Variants in LEKR1 observed in about 807,000 individuals in gnomAD.
The protein encoded by LEKR1 is protein LEKR1.
LEKR1 carries 59 observed loss-of-function variants against 72.4 expected under a neutral mutation model. That is an observed-to-expected ratio of 0.82 (90% CI 0.66 to 1.01). The LOEUF is 1.01. Among genes scored for constraint, LEKR1 ranks in the 50% least tolerant of loss-of-function variants. The probability of loss-of-function intolerance (pLI) is 0.00; values close to 1 mark genes in which losing one functional copy is unlikely to be tolerated. For missense variants in LEKR1, 728 were observed against 759.2 expected (o/e 0.96, Z 0.48); for synonymous variants, 257 against 263.2 (o/e 0.98, Z 0.23).
At chr3:156,878,110 T>G (rs892242909) in intron 3 of LEKR1, among the ~76,000 whole-genome samples, 36 of 152,160 alleles carry the variant, frequency 2.4e-4, no homozygotes, top group African/African-American at 7.2e-4. Flanking sequence ...CTTTTTTTTT[T>G]GTTTAAATTT....
chr3:157,019,924 AG>A (rs748497419), intron 10 of LEKR1, among the ~76,000 whole-genome samples: 1 of 152,310 alleles, frequency 6.6e-6, no homozygotes, highest in East Asian at 1.9e-4. Flanking sequence ...ATCCCACTGC[AG>A]CTTTCCTAAG....
intron 3 of LEKR1, among the ~76,000 whole-genome samples, chr3:156,868,295 A>G (rs554635124): frequency 6.3e-4 from 96 of 152,234 alleles, no homozygotes; most frequent in African/African-American, 2.3e-3. Context: ...AATTTAAAAT[A>G]TGAATCATAA....
intron 3 of LEKR1, among the ~76,000 whole-genome samples, chr3:156,914,272 T>C (rs1723386941): frequency 6.6e-6 from 1 of 151,746 alleles, no homozygotes; most frequent in Non-Finnish European, 1.5e-5. Flanking sequence ...CATCAACCCA[T>C]TATCTACGTT....
chr3:156,901,748 G>A (rs979968226), intron 3 of LEKR1, among the ~76,000 whole-genome samples: 2 of 152,130 alleles, frequency 1.3e-5, no homozygotes, highest in Non-Finnish European at 1.5e-5. Context: ...GTGCAGTGAC[G>A]TGGTCTCAGC....
intron 2 of LEKR1, among the ~76,000 whole-genome samples, chr3:156,849,488 C>T (rs997894777): frequency 1.3e-5 from 2 of 151,692 alleles, no homozygotes; most frequent in African/African-American, 4.9e-5. Context: ...GGAGGCATCA[C>T]GCTACCTGAC....
intron 6 of LEKR1, among the ~76,000 whole-genome samples, chr3:156,971,089 A>G (rs575682581): frequency 2.6e-5 from 4 of 152,300 alleles, no homozygotes; most frequent in African/African-American, 9.6e-5. Context: ...ACTTCAAACT[A>G]TACTACAAGG....
intron 3 of LEKR1, among the ~76,000 whole-genome samples, chr3:156,863,596 T>C (rs1716999612): frequency 6.6e-6 from 1 of 152,100 alleles, no homozygotes; most frequent in Admixed American, 6.6e-5. Flanking sequence ...AGCTTTCAAA[T>C]TGGAGAAAAA....
At chr3:156,869,456 A>G (rs940105292) in intron 3 of LEKR1, among the ~76,000 whole-genome samples, 1 of 152,044 alleles carries the variant, frequency 6.6e-6, no homozygotes, top group African/African-American at 2.4e-5. Flanking sequence ...ATTAGTAGTG[A>G]TGAACATTTT....
chr3:156,871,289 T>C (rs918368594), intron 3 of LEKR1, among the ~76,000 whole-genome samples: 1 of 152,164 alleles, frequency 6.6e-6, no homozygotes, highest in Non-Finnish European at 1.5e-5. Flanking sequence ...CATGAACTCA[T>C]CATTTTTTAT....
intron 2 of LEKR1, among the ~76,000 whole-genome samples, chr3:156,838,871 C>T (rs13093166): frequency 2.6e-5 from 4 of 152,136 alleles, no homozygotes; most frequent in Non-Finnish European, 5.9e-5. Flanking sequence ...CTTCCTCCCA[C>T]ACAGATGAAA....
chr3:157,006,994 G>GAT (rs1269391032), intron 9 of LEKR1, among the ~76,000 whole-genome samples: 2 of 151,970 alleles, frequency 1.3e-5, no homozygotes, highest in African/African-American at 4.8e-5. Context: ...AAGGTCAGGA[G>GAT]CGAGACCATC....
intron 2 of LEKR1, among the ~76,000 whole-genome samples, chr3:156,829,757 T>C (rs1048757540): frequency 6.6e-6 from 1 of 152,180 alleles, no homozygotes; most frequent in Non-Finnish European, 1.5e-5. Context: ...TTAAGCCCCT[T>C]TTATGCAGAT....
chr3:157,024,109 C>T (rs938907264), intron 10 of LEKR1, among the ~76,000 whole-genome samples: 16 of 152,110 alleles, frequency 1.1e-4, no homozygotes, highest in Admixed American at 2.0e-4. Context: ...TTCATATCAA[C>T]GGCCCAGGAA....
At chr3:156,984,813 A>C (rs1576948272) in intron 7 of LEKR1, among the ~76,000 whole-genome samples, 1 of 152,196 alleles carries the variant, frequency 6.6e-6, no homozygotes, top group Non-Finnish European at 1.5e-5. Context: ...CTGCTCATTT[A>C]ACTGATAATT....
intron 3 of LEKR1, among the ~76,000 whole-genome samples, chr3:156,900,463 C>T (rs997753714): frequency 6.6e-6 from 1 of 152,102 alleles, no homozygotes; most frequent in African/African-American, 2.4e-5. Context: ...TGCTCTTAGC[C>T]AGTCTTATAA....
chr3:156,952,590 C>T (rs1727262942), intron 6 of LEKR1, among the ~76,000 whole-genome samples: 1 of 151,368 alleles, frequency 6.6e-6, no homozygotes, highest in African/African-American at 2.4e-5. Context: ...GTTGGTGAGG[C>T]ACTCTAATAC....
chr3:157,016,537 GA>G (rs1038552592), intron 10 of LEKR1, among the ~76,000 whole-genome samples: 8 of 151,900 alleles, frequency 5.3e-5, no homozygotes, highest in Admixed American at 3.3e-4. Context: ...AGAAAGCACT[GA>G]AAAAATGTAT....
At chr3:156,955,014 T>C (rs948073379) in intron 6 of LEKR1, among the ~76,000 whole-genome samples, 7 of 152,080 alleles carry the variant, frequency 4.6e-5, no homozygotes, top group African/African-American at 1.7e-4. Context: ...CATTTGTTTG[T>C]GTCCTCTCTG....
At position 156,855,358 on chromosome 3, in the gene LEKR1, G is replaced by C. The variant is rs550955347; in HGVS notation, c.263+2376G>C. Among the ~76,000 whole-genome samples, 47 of 152,072 alleles carry C rather than the reference G, an allele frequency of 3.1e-4. 1 individual carries two copies. Among genetic ancestry groups the C allele is most frequent in the Middle Eastern group, 3.4e-3 (1 of 294 alleles). On this transcript the variant is annotated intron_variant, in intron 3 of 12. Transcript: ENST00000356539. ...TCTCTTGAGTGAAAAATGTTACCTC[G>C]TGGTTATTTAATTAGTATTTGTTTT...
Sources: allele counts gnomAD v4.1 joint callset (sites outside exome capture counted in the v4.1 genomes callset), GRCh38; gene constraint gnomAD v4.1.1; transcripts MANE v1.5; gene names NCBI Gene and HGNC (gene_info 2026-07-23, HGNC 2026-07-21).